EIF5B: variants seen among roughly 807,000 people sequenced by gnomAD.
The protein encoded by EIF5B is eIF-5B.
In EIF5B, 47 loss-of-function variants were observed where a neutral mutation model predicts 147.5. That is an observed-to-expected ratio of 0.32 (90% CI 0.25 to 0.41). The LOEUF is 0.41. EIF5B is among the 10% of genes least tolerant of loss of function. EIF5B has a pLI of 1.00. For synonymous variants in EIF5B, 455 were observed against 456.2 expected (o/e 1.00, Z 0.03); for missense variants, 1,064 against 1,413.2 (o/e 0.75, Z 3.96).
chr2:99,352,351 A>C (rs983436653), intron 1 of EIF5B, among the ~76,000 whole-genome samples: 1 of 151,876 alleles, frequency 6.6e-6, no homozygotes, highest in African/African-American at 2.4e-5. Flanking sequence ...ATGCGCCACC[A>C]TGCCTGGCTA....
At chr2:99,352,172 TCTCA>T (rs1223022605) in intron 1 of EIF5B, among the ~76,000 whole-genome samples, 1 of 152,196 alleles carries the variant, frequency 6.6e-6, no homozygotes, top group Admixed American at 6.5e-5. Context: ...ATATATTTTC[TCTCA>T]CTCTTTGTCA....
intron 8 of EIF5B, 34 bp from the exon 9 acceptor site, chr2:99,371,622 T>C: frequency 1.3e-6 from 2 of 1,583,792 alleles, no homozygotes; most frequent in South Asian, 2.3e-5. Context: ...TTCTAAATAA[T>C]TTTTGTGTCT....
intron 1 of EIF5B, among the ~76,000 whole-genome samples, chr2:99,348,338 C>T (rs1310738759): frequency 2.0e-5 from 3 of 152,148 alleles, no homozygotes; most frequent in Non-Finnish European, 4.4e-5. Flanking sequence ...GTACTTGAGC[C>T]ATAACTTCAT....
At chr2:99,356,367 C>T (rs1176483765) in intron 1 of EIF5B, among the ~76,000 whole-genome samples, 1 of 152,100 alleles carries the variant, frequency 6.6e-6, no homozygotes, top group Non-Finnish European at 1.5e-5. Context: ...AATTATGTTC[C>T]ACCTCCTTGA....
chr2:99,381,219 A>G (rs1450719221), intron 12 of EIF5B, among the ~76,000 whole-genome samples: 1 of 152,174 alleles, frequency 6.6e-6, no homozygotes, highest in Non-Finnish European at 1.5e-5. Flanking sequence ...GGTTCATAAC[A>G]CCTTATTCCA....
intron 9 of EIF5B, among the ~76,000 whole-genome samples, chr2:99,373,674 A>T (rs1329400465): frequency 6.6e-6 from 1 of 152,198 alleles, no homozygotes; most frequent in Non-Finnish European, 1.5e-5. Context: ...TACCTAGAGT[A>T]CTTAGCCTGT....
chr2:99,379,202 C>T, intron 11 of EIF5B, 76 bp downstream of exon 11: 2 of 1,413,340 alleles, frequency 1.4e-6, no homozygotes, highest in Non-Finnish European at 1.9e-6. Context: ...ACTTTAGAGA[C>T]CAATAGGACA....
intron 12 of EIF5B, among the ~76,000 whole-genome samples, chr2:99,380,930 C>T (rs1475329133): frequency 8.5e-5 from 13 of 152,190 alleles, no homozygotes; most frequent in Non-Finnish European, 4.4e-5. Flanking sequence ...CCTTGGTTGA[C>T]ATTTTCATTC....
chr2:99,393,512 A>AG (rs1674980190), intron 18 of EIF5B, among the ~76,000 whole-genome samples: 1 of 152,168 alleles, frequency 6.6e-6, no homozygotes, highest in Non-Finnish European at 1.5e-5. Flanking sequence ...TAAAAAAAAA[A>AG]AAGCTAGAAA....
At chr2:99,385,296 C>T (rs371235126) in intron 14 of EIF5B, among the ~76,000 whole-genome samples, 3 of 152,318 alleles carry the variant, frequency 2.0e-5, no homozygotes, top group South Asian at 4.1e-4. Flanking sequence ...CTGCCTGCCT[C>T]GGCCTGCCAA....
rs1303895770 is a variant in EIF5B at position 99,364,183 on chromosome 2, G to A, written c.1138-88G>A. 4.7e-6 allele frequency: 7 copies of A among 1,480,078 alleles called. No homozygotes were observed. The African/African-American group carries it at 9.8e-5, about 21-fold the overall frequency. The allele number at this position is 1,480,078 out of a possible 1,614,324, so 91.7% of individuals were successfully genotyped here. ...ATAATACTTTGCATGTGTCTCAAGA[G>A]ATTTATTTGAAGTTTGGATTGTTTA... is the stretch of plus-strand genomic sequence containing the variant. On this transcript the variant is annotated intron_variant, in intron 5 of 23. Transcript: ENST00000289371.
At chr2:99,363,145 G>A (rs1190747470) in intron 4 of EIF5B, among the ~76,000 whole-genome samples, 2 of 152,128 alleles carry the variant, frequency 1.3e-5, no homozygotes, top group South Asian at 2.1e-4. Context: ...TAATTCTTTA[G>A]AGTTCTTGGA....
intron 1 of EIF5B, among the ~76,000 whole-genome samples, chr2:99,341,490 G>T (rs117039201): frequency 0.011 from 1,673 of 152,266 alleles, 9 homozygotes; most frequent in Middle Eastern, 0.024. Context: ...CTCATTTGTT[G>T]TGCTTTATTT....
At chr2:99,373,505 C>G (rs949353860) in intron 9 of EIF5B, among the ~76,000 whole-genome samples, 1 of 152,176 alleles carries the variant, frequency 6.6e-6, no homozygotes, top group African/African-American at 2.4e-5. Flanking sequence ...ATGAGAGTGA[C>G]TTAATCACTC....
At chr2:99,337,672 G>A (rs763559045) in intron 1 of EIF5B, 83 bp downstream of exon 1, 147 of 1,498,598 alleles carry the variant, frequency 9.8e-5, no homozygotes, top group Non-Finnish European at 1.3e-4. Context: ...GCGTCGGACC[G>A]GGGTCTGGGC....
chr2:99,370,195 A>T (rs1029009671), intron 8 of EIF5B, among the ~76,000 whole-genome samples: 1 of 152,120 alleles, frequency 6.6e-6, no homozygotes. Flanking sequence ...ATAATCAGAG[A>T]ATTCAACTTA....
At chr2:99,349,086 C>G (rs1055445831) in intron 1 of EIF5B, among the ~76,000 whole-genome samples, 6 of 152,212 alleles carry the variant, frequency 3.9e-5, no homozygotes, top group African/African-American at 1.4e-4. Flanking sequence ...AGACAGGAAG[C>G]TGCCAGGTTA....
chr2:99,345,222 T>A (rs2094269828), intron 1 of EIF5B, among the ~76,000 whole-genome samples: 1 of 152,232 alleles, frequency 6.6e-6, no homozygotes, highest in Non-Finnish European at 1.5e-5. Flanking sequence ...TGGTTAGCCT[T>A]GCCTGTTGTA....
Position 99,364,332 on chromosome 2 carries a change from G to A in EIF5B, c.1199G>A (p.Arg400His), listed in dbSNP as rs774065374. Residue 400 changes from arginine to histidine, a missense_variant, in exon 6 of 24, where the codon CGC becomes CAC. Arg to His is a conservative substitution (Grantham distance 29). Coordinates refer to ENST00000289371, the MANE Select transcript of EIF5B (RefSeq NM_015904.4). ...KKQKEKERKE[R>H]LKKEGKLLTK... Reference sequence around the variant, plus strand: ...CAAAAAGAAAAAGAAAGAAAAGAACGCTTGAAAAAAGAAGGGAAACTTTTA... The same window carrying A: ...CAAAAAGAAAAAGAAAGAAAAGAACACTTGAAAAAAGAAGGGAAACTTTTA... 7 of 1,608,780 alleles carry A rather than the reference G, an allele frequency of 4.4e-6. No individual in the cohort carries two copies. Among genetic ancestry groups the A allele is most frequent in the Non-Finnish European group, 5.9e-6 (7 of 1,178,180 alleles).
Sources: allele counts gnomAD v4.1 joint callset (sites outside exome capture counted in the v4.1 genomes callset), GRCh38; gene constraint gnomAD v4.1.1; transcripts MANE v1.5; gene names NCBI Gene and HGNC (gene_info 2026-07-23, HGNC 2026-07-21).